The following UFD1 variants were observed in gnomAD, a reference collection of about 807,000 sequenced individuals.
UFD1 encodes ubiquitin recognition factor in ER-associated degradation protein 1.
A neutral mutation model predicts 45.9 loss-of-function variants in UFD1; 13 were observed. The ratio of observed to expected loss-of-function variants is 0.28; its 90% CI spans 0.18 to 0.45. The LOEUF (loss-of-function observed/expected upper bound fraction) is 0.45, where lower values mean the gene tolerates loss of function less well. Among genes scored for constraint, UFD1 ranks in the 20% least tolerant of loss-of-function variants. The pLI is 1.00. For missense variants in UFD1, 218 were observed against 389.2 expected (o/e 0.56, Z 3.70); for synonymous variants, 128 against 139.2 (o/e 0.92, Z 0.56).
At chr22:19,471,496 C>T in intron 4 of UFD1, 191 bp downstream of exon 4, 1 of 887,336 alleles carries the variant, frequency 1.1e-6, no homozygotes, top group Non-Finnish European at 1.8e-6. Flanking sequence ...CAGGTGCGTC[C>T]AGAGCCCACC....
chr22:19,461,795 T>C (rs913213185), intron 6 of UFD1, among the ~76,000 whole-genome samples: 27 of 152,286 alleles, frequency 1.8e-4, no homozygotes, highest in African/African-American at 6.5e-4. Context: ...TGACTGGCTA[T>C]ACAATTATTT....
chr22:19,450,438 A>T lies in UFD1; in HGVS notation c.*232T>A. Reference sequence around the variant, plus strand: ...AGCGTGAAGAGGTGAGGAGGCAGCTATCTACAGGCCCTCAGGGACAGCTCT... The same window carrying T: ...AGCGTGAAGAGGTGAGGAGGCAGCTTTCTACAGGCCCTCAGGGACAGCTCT... On this transcript the variant is annotated 3_prime_UTR_variant, in exon 12 of 12. Coordinates refer to ENST00000263202, the MANE Select transcript of UFD1 (RefSeq NM_005659.7). The T allele has an allele frequency of 1.9e-6, 1 of 521,746 alleles. No homozygotes were observed. The highest frequency in any genetic ancestry group is 3.4e-6 in the Non-Finnish European group (1 of 294,830). The allele number at this position is 521,746 out of a possible 1,614,324, so 32.3% of individuals were successfully genotyped here.
chr22:19,464,249 G>A (rs956655106), intron 6 of UFD1, among the ~76,000 whole-genome samples: 3 of 152,218 alleles, frequency 2.0e-5, no homozygotes, highest in African/African-American at 4.8e-5. Context: ...CCCAGTCCCC[G>A]AAGGGACCAG....
intron 7 of UFD1, 47 bp from the exon 8 acceptor site, chr22:19,456,965 C>G (rs1312628075): frequency 5.4e-6 from 7 of 1,306,550 alleles, no homozygotes; most frequent in Non-Finnish European, 7.6e-6. Context: ...CATGACCACC[C>G]TTGGCTTCCT....
chr22:19,475,560 GGAA>G lies in UFD1; in HGVS notation c.43_45del (p.Phe15del). ...CGGTACTGTGTGGAGAAGCGGTTTT[GGAA>G]GACCCTGGGAATAGGGTGGTCGAAC... On this transcript the variant is annotated inframe_deletion, in exon 2 of 12. Coordinates refer to ENST00000263202, the MANE Select transcript of UFD1 (RefSeq NM_005659.7). 1.2e-6 allele frequency: 2 copies of G among 1,614,200 alleles called. No homozygotes were observed. The highest frequency in any genetic ancestry group is 1.7e-6 in the Non-Finnish European group (2 of 1,180,028).
chr22:19,456,344 T>G (rs1311100235), intron 9 of UFD1, among the ~76,000 whole-genome samples: 1 of 152,140 alleles, frequency 6.6e-6, no homozygotes, highest in Non-Finnish European at 1.5e-5. Flanking sequence ...TTTAAACTCT[T>G]CGGTAGGTTA....
intron 4 of UFD1, among the ~76,000 whole-genome samples, chr22:19,468,691 T>G (rs1318564792): frequency 6.6e-6 from 1 of 152,116 alleles, no homozygotes; most frequent in African/African-American, 2.4e-5. Context: ...GTGTCAGACA[T>G]ATACATCAGT....
chr22:19,454,116 C>T, intron 11 of UFD1: 1 of 985,628 alleles, frequency 1.0e-6, no homozygotes, highest in Non-Finnish European at 1.2e-6. Flanking sequence ...AAGACGAAGC[C>T]CACCCAGGGC....
At chr22:19,459,816 G>A (rs1003572470) in intron 6 of UFD1, among the ~76,000 whole-genome samples, 3 of 139,122 alleles carry the variant, frequency 2.2e-5, no homozygotes, top group African/African-American at 8.1e-5. Flanking sequence ...TTGGCTCACT[G>A]CAACCTCCGC....
intron 6 of UFD1, among the ~76,000 whole-genome samples, chr22:19,460,755 C>CT (rs544754175): frequency 0.01 from 1,342 of 133,586 alleles, 11 homozygotes; most frequent in African/African-American, 0.018. Flanking sequence ...AACCACCATT[C>CT]TTTTTTTTTT....
chr22:19,458,827 G>A (rs1308048657), intron 6 of UFD1, among the ~76,000 whole-genome samples: 1 of 152,156 alleles, frequency 6.6e-6, no homozygotes. Flanking sequence ...TAATACCACT[G>A]TACAGATGCT....
chr22:19,454,573 C>G, intron 11 of UFD1, 176 bp downstream of exon 11: 1 of 1,362,008 alleles, frequency 7.3e-7, no homozygotes, highest in Non-Finnish European at 9.7e-7. Context: ...GCCATGTGAA[C>G]TGTAAGTCCA....
chr22:19,473,576 G>T (rs530956157), intron 3 of UFD1, among the ~76,000 whole-genome samples: 33 of 152,158 alleles, frequency 2.2e-4, no homozygotes, highest in Non-Finnish European at 4.3e-4. Flanking sequence ...TAATGACAGG[G>T]TCTTCGTGAG....
chr22:19,453,137 G>T (rs2089696246), intron 11 of UFD1: 1 of 985,348 alleles, frequency 1.0e-6, no homozygotes, highest in Non-Finnish European at 1.2e-6. Context: ...CTTCTGGGAT[G>T]GGGGAGGGAG....
chr22:19,473,846 C>T (rs2089862946), intron 3 of UFD1, among the ~76,000 whole-genome samples: 1 of 152,192 alleles, frequency 6.6e-6, no homozygotes, highest in Non-Finnish European at 1.5e-5. Context: ...TGAGTCACAC[C>T]ACAGCCAGCA....
chr22:19,475,174 T>C, intron 2 of UFD1, 74 bp from the exon 3 acceptor site: 1 of 1,449,298 alleles, frequency 6.9e-7, no homozygotes, highest in South Asian at 1.3e-5. Context: ...ATGCAGTTTC[T>C]TTATATCTAA....
At chr22:19,454,161 T>A (rs2089704353) in intron 11 of UFD1, 1 of 986,224 alleles carries the variant, frequency 1.0e-6, no homozygotes. Flanking sequence ...TGGAGTCGGC[T>A]CTAGAGCAAG....
chr22:19,472,632 G>A (rs912011337), intron 3 of UFD1, among the ~76,000 whole-genome samples: 55 of 152,214 alleles, frequency 3.6e-4, no homozygotes, highest in African/African-American at 1.3e-3. Context: ...CTGGGCCCCC[G>A]GGAGAAGACC....
At chr22:19,461,939 G>GC (rs1168831698) in intron 6 of UFD1, among the ~76,000 whole-genome samples, 3 of 151,632 alleles carry the variant, frequency 2.0e-5, no homozygotes, top group African/African-American at 7.3e-5. Context: ...CAAGATATTT[G>GC]CTTTATCTAA....
Sources: gnomAD v4.1 joint callset for allele counts (sites outside exome capture counted in the v4.1 genomes callset) on GRCh38, gnomAD v4.1.1 for gene constraint, MANE v1.5 for transcripts, NCBI Gene and HGNC (gene_info 2026-07-23, HGNC 2026-07-21) for gene names.